The following DLEC1 variants were observed in gnomAD, a reference collection of about 807,000 sequenced individuals.
DLEC1 encodes the protein deleted in lung and esophageal cancer protein 1.
DLEC1 carries 146 observed loss-of-function variants against 198.1 expected under a neutral mutation model. That is an observed-to-expected ratio of 0.74 (90% confidence interval 0.64 to 0.85). The LOEUF is 0.85. Ranked by LOEUF, DLEC1 falls within the 40% of genes least tolerant of loss-of-function variation. DLEC1 has a pLI of 0.00. For missense variants in DLEC1, 2,233 were observed against 2,220.0 expected (o/e 1.01, Z -0.12); for synonymous variants, 897 against 866.8 (o/e 1.03, Z -0.61).
chr3:38,109,674 G>C, intron 22 of DLEC1, 112 bp downstream of exon 22: 1 of 1,543,692 alleles, frequency 6.5e-7, no homozygotes, highest in Non-Finnish European at 8.8e-7. Flanking sequence ...GATTCCTGCA[G>C]GCAGGAAAAC....
chr3:38,067,185 A>C (rs1357060957), intron 6 of DLEC1, among the ~76,000 whole-genome samples: 1 of 152,232 alleles, frequency 6.6e-6, no homozygotes, highest in African/African-American at 2.4e-5. Flanking sequence ...TGTTCATAAC[A>C]GTTGTTTACC....
chr3:38,084,470 G>GGTGGTGGTGGTAGTA (rs1575171089), intron 7 of DLEC1, among the ~76,000 whole-genome samples: 1 of 752 alleles, frequency 1.3e-3, no homozygotes, highest in Non-Finnish European at 3.3e-3. Context: ...TAATAGTAGT[G>GGTGGTGGTGGTAGTA]GTGGTGGTGG....
At chr3:38,041,519 A>C (rs893651796) in intron 1 of DLEC1, among the ~76,000 whole-genome samples, 5 of 152,154 alleles carry the variant, frequency 3.3e-5, no homozygotes, top group Non-Finnish European at 7.4e-5. Context: ...GAAATTTCAG[A>C]ATGCAGAAAA....
At chr3:38,102,975 A>G (rs2125708876) in intron 19 of DLEC1, among the ~76,000 whole-genome samples, 1 of 152,062 alleles carries the variant, frequency 6.6e-6, no homozygotes, top group Admixed American at 6.5e-5. Flanking sequence ...CTTTTTCTTA[A>G]TTTTCAATTT....
chr3:38,061,959 G>A (rs924791754), intron 3 of DLEC1, among the ~76,000 whole-genome samples: 1 of 152,240 alleles, frequency 6.6e-6, no homozygotes, highest in African/African-American at 2.4e-5. Flanking sequence ...TGATAGGTGT[G>A]AGCCACCACA....
At chr3:38,104,849 G>C (rs1318800490) in intron 19 of DLEC1, among the ~76,000 whole-genome samples, 1 of 151,940 alleles carries the variant, frequency 6.6e-6, no homozygotes, top group African/African-American at 2.4e-5. Context: ...GGTTTAGTTT[G>C]CTCTTCTCTT....
intron 9 of DLEC1, among the ~76,000 whole-genome samples, chr3:38,087,616 C>T (rs886952092): frequency 6.6e-6 from 1 of 152,204 alleles, no homozygotes; most frequent in Non-Finnish European, 1.5e-5. Flanking sequence ...AGCACTGACA[C>T]CATCCATTAG....
intron 32 of DLEC1, 96 bp downstream of exon 32, chr3:38,117,707 A>G: frequency 1.2e-6 from 2 of 1,602,012 alleles, no homozygotes; most frequent in Non-Finnish European, 8.5e-7. Flanking sequence ...GTCTGAGCCC[A>G]AATCCCCTCC....
intron 18 of DLEC1, among the ~76,000 whole-genome samples, chr3:38,098,301 T>C (rs781253097): frequency 7.2e-5 from 11 of 152,150 alleles, no homozygotes; most frequent in Non-Finnish European, 1.2e-4. Context: ...AGGGATCTGC[T>C]ACCAGATGGC....
Position 38,095,315 on chromosome 3 carries a change from G to A in DLEC1, c.2112+244G>A, listed in dbSNP as rs771444598. The A allele has an allele frequency of 4.6e-5, 25 of 538,728 alleles. No homozygotes were observed. The Middle Eastern group carries it at 3.0e-3, about 65-fold the overall frequency. The allele number at this position is 538,728 out of a possible 1,614,324, so 33.4% of individuals were successfully genotyped here. On this transcript the variant is annotated intron_variant, in intron 13 of 36. Coordinates refer to ENST00000308059, the MANE Select transcript of DLEC1 (RefSeq NM_007335.4). Reference sequence around the variant, plus strand: ...GCAAGACCCTTGGCTGGCTTCCTCCGCTCTGGGTGTCTCCCACATGTCTAC... The same window carrying A: ...GCAAGACCCTTGGCTGGCTTCCTCCACTCTGGGTGTCTCCCACATGTCTAC...
At chr3:38,093,557 T>G (rs1227444323) in intron 11 of DLEC1, 48 bp from the exon 12 acceptor site, 1 of 1,609,146 alleles carries the variant, frequency 6.2e-7, no homozygotes, top group African/African-American at 1.3e-5. Context: ...TTGGCCTGAT[T>G]TCAGCCCTAG....
intron 31 of DLEC1, 101 bp downstream of exon 31, chr3:38,117,403 C>A (rs1700234308): frequency 4.4e-6 from 7 of 1,595,816 alleles, no homozygotes; most frequent in Non-Finnish European, 6.0e-6. Context: ...AAAGGACGGG[C>A]ATGGGTGGAG....
intron 10 of DLEC1, among the ~76,000 whole-genome samples, chr3:38,090,503 C>T (rs948135774): frequency 9.9e-5 from 15 of 152,248 alleles, no homozygotes; most frequent in Admixed American, 3.3e-4. Flanking sequence ...GTGAATGGAC[C>T]ATAATTTAGT....
chr3:38,042,858 T>C (rs1042931630), intron 1 of DLEC1, among the ~76,000 whole-genome samples: 1 of 152,176 alleles, frequency 6.6e-6, no homozygotes, highest in Non-Finnish European at 1.5e-5. Context: ...CCCAGCAATG[T>C]TGCTGTTCTT....
rs776676799 is a variant in DLEC1 at position 38,039,380 on chromosome 3, C to G, written c.155C>G (p.Ser52Cys). Reference protein sequence around the residue: ...KSSLYSSLAYSEAFHYSFAAR... With the variant: ...KSSLYSSLAYCEAFHYSFAAR... ...TCCTTGTATTCCTCCCTCGCCTACT[C>G]TGAGGCCTTCCACTACAGCTTCGCA... The change falls in exon 1 of 37, where the codon TCT becomes TGT. Residue 52 changes from serine to cysteine, a missense_variant. Transcript: ENST00000308059. 23 of 1,614,204 alleles carry G rather than the reference C, an allele frequency of 1.4e-5. No homozygotes were observed. The highest frequency in any genetic ancestry group is 9.3e-6 in the Non-Finnish European group (11 of 1,180,024).
intron 34 of DLEC1, among the ~76,000 whole-genome samples, chr3:38,121,054 A>G (rs1253428190): frequency 6.6e-6 from 1 of 152,192 alleles, no homozygotes; most frequent in Non-Finnish European, 1.5e-5. Flanking sequence ...GTGGAGGCTA[A>G]GCAGGGGCTG....
At chr3:38,088,147 A>G in intron 9 of DLEC1, 149 bp from the exon 10 acceptor site, 1 of 667,250 alleles carries the variant, frequency 1.5e-6, no homozygotes, top group Non-Finnish European at 2.6e-6. Flanking sequence ...CTGAATGAAT[A>G]AGCCTCAGTT....
At chr3:38,061,823 A>G (rs938942439) in intron 3 of DLEC1, among the ~76,000 whole-genome samples, 2 of 152,114 alleles carry the variant, frequency 1.3e-5, no homozygotes, top group African/African-American at 4.8e-5. Flanking sequence ...ATGCACTACC[A>G]CACCCAGCAA....
At chr3:38,116,369 G>T in intron 27 of DLEC1, 84 bp from the exon 28 acceptor site, 1 of 1,360,814 alleles carries the variant, frequency 7.3e-7, no homozygotes, top group Admixed American at 1.9e-5. Context: ...GGTCATCTCT[G>T]TCTGGGGGTA....
Sources: allele counts gnomAD v4.1 joint callset (sites outside exome capture counted in the v4.1 genomes callset), GRCh38; gene constraint gnomAD v4.1.1; transcripts MANE v1.5; gene names NCBI Gene and HGNC (gene_info 2026-07-23, HGNC 2026-07-21).